Variants in MED1 observed in about 807,000 individuals in gnomAD.
MED1 encodes mediator of RNA polymerase II transcription subunit 1.
In MED1, 17 loss-of-function variants were observed where a neutral mutation model predicts 121.3. The observed-to-expected ratio is 0.14, with a 90% CI of 0.10 to 0.21. MED1 has a LOEUF of 0.21. Ranked by LOEUF, MED1 falls within the 10% of genes least tolerant of loss-of-function variation. The pLI is 1.00. For synonymous variants in MED1, 661 were observed against 694.4 expected, an observed-to-expected ratio of 0.95 and a Z score of 0.76; for missense variants, 1,558 against 1,919.4, an observed-to-expected ratio of 0.81 and a Z score of 3.52.
chr17:39,444,755 G>C (rs188199334), intron 2 of MED1, among the ~76,000 whole-genome samples: 57 of 152,108 alleles, frequency 3.7e-4, no homozygotes, highest in Admixed American at 1.3e-3. Context: ...TGTAGTCCCA[G>C]CTACTCAGGA....
rs534530207 is a variant in MED1, at chr17:39,407,732, G to A, written c.4489C>T (p.His1497Tyr). Residue 1497 changes from histidine (H) to tyrosine (Y), a missense_variant, in exon 17 of 17, where the codon CAT becomes TAT. By Grantham distance (83) the His-to-Tyr change is moderately conservative (BLOSUM62 2). Transcript: ENST00000300651. ...TTCTTTTCCTTTTTGTGCTTCTTAT[G>A]TTTCTCTGTGCTGTATTCTGGAAGT... ...RPLPEYSTEK[H>Y]KKHKKEKKKV... 1 of 1,613,970 alleles carries A rather than the reference G, an allele frequency of 6.2e-7. No individual in the cohort carries two copies. The highest frequency in any genetic ancestry group is 1.1e-5 in the South Asian group (1 of 91,068).
At chr17:39,434,534 G>A (rs1204056411) in intron 6 of MED1, among the ~76,000 whole-genome samples, 1 of 152,128 alleles carries the variant, frequency 6.6e-6, no homozygotes, top group Admixed American at 6.6e-5. Context: ...TTTTTCTGGA[G>A]AAGGTGCTAA....
chr17:39,425,513 TAGAA>T (rs1415587955), intron 10 of MED1, among the ~76,000 whole-genome samples: 1 of 152,054 alleles, frequency 6.6e-6, no homozygotes, highest in Non-Finnish European at 1.5e-5. Context: ...CTATAAAACT[TAGAA>T]ATCAGGCCAG....
chr17:39,423,200 A>C (rs1374296456), intron 13 of MED1, 127 bp downstream of exon 13: 1 of 748,666 alleles, frequency 1.3e-6, no homozygotes. Context: ...TGCCTTACTA[A>C]AGAAATAGGA....
rs751101426 is a variant in MED1, at chr17:39,419,752, A to G, written c.1262T>C (p.Ile421Thr). ...IRHQVAYNTL[I>T]GSCVKRTILK... is the part of the protein sequence containing the mutation. ...AATAGTTCTTTTGACACAGCTTCCA[A>G]TGAGGGTGTTATAGGCCACTTGGTG... The change falls in exon 14 of 17, where the codon ATT (isoleucine) becomes ACT (threonine). Residue 421 changes from isoleucine (I) to threonine (T), a missense_variant. This residue lies in a region of MED1 where 443 missense variants were observed against 532.4 expected (regional missense o/e 0.83). Transcript: ENST00000300651. 1 of 1,613,882 alleles carries G rather than the reference A, an allele frequency of 6.2e-7. No homozygotes were observed. The highest frequency in any genetic ancestry group is 8.5e-7 in the Non-Finnish European group (1 of 1,179,798).
chr17:39,420,628 CTTA>C (rs564032898), intron 13 of MED1, among the ~76,000 whole-genome samples: 6 of 151,318 alleles, frequency 4.0e-5, no homozygotes, highest in African/African-American at 4.8e-5. Flanking sequence ...GGAACGTTCC[CTTA>C]TTATTATTAT....
intron 13 of MED1, among the ~76,000 whole-genome samples, chr17:39,421,947 T>C (rs1002399200): frequency 1.3e-5 from 2 of 150,878 alleles, no homozygotes; most frequent in African/African-American, 4.9e-5. Context: ...GCTAACATGG[T>C]GAAATCCCGT....
In MED1 at chr17:39,408,558, G is replaced by A. The variant is rs1041432503; in HGVS notation, c.3663C>T (p.Ala1221=). ...PVPGTPPSSK[A]KSPISSGSGG... is the part of the protein sequence containing the mutation. ...CAGAACCTGAACTGATAGGGGACTT[G>A]GCTTTAGAGGATGGAGGAGTTCCAG... The change falls in exon 17 of 17, where the codon GCC becomes GCT. Residue 1221 remains alanine, a synonymous_variant. Coordinates refer to ENST00000300651, the MANE Select transcript of MED1 (RefSeq NM_004774.4). The surrounding 1 kb of genome is among the most constrained non-coding windows in gnomAD (Gnocchi z 4.7). 7 of 1,614,104 alleles carry A rather than the reference G, an allele frequency of 4.3e-6. No individual in the cohort carries two copies. In the Admixed American group the frequency reaches 6.7e-5, roughly 15 times the overall value.
At chr17:39,433,546 T>TATATATAC (rs540103395) in intron 7 of MED1, among the ~76,000 whole-genome samples, 2 of 150,448 alleles carry the variant, frequency 1.3e-5, no homozygotes, top group African/African-American at 4.9e-5. Flanking sequence ...TATATATATA[T>TATATATAC]ACACACATAT....
intron 1 of MED1, among the ~76,000 whole-genome samples, chr17:39,449,646 G>A (rs2048762523): frequency 6.6e-6 from 1 of 150,532 alleles, no homozygotes; most frequent in East Asian, 2.0e-4. Context: ...CCAAGTAGCT[G>A]GGATTGCAGG....
At position 39,443,568 on chromosome 17, in the gene MED1, A is replaced by G. The variant is rs1461827597; in HGVS notation, c.193T>C (p.Leu65=). 1.2e-6 allele frequency: 2 copies of G among 1,613,822 alleles called. No homozygotes were observed. Among genetic ancestry groups the G allele is most frequent in the Middle Eastern group, 1.6e-4 (1 of 6,062 alleles). ...CACAAACCTTTGAGAGCCTTCTGCA[A>G]TGTCTCCAAACAGCTGACCAAATGT... ...HQHLVSCLET[L]QKALKVTSLP... Residue 65 remains leucine, a synonymous_variant, in exon 3 of 17, where the codon TTG becomes CTG. Coordinates refer to ENST00000300651, the MANE Select transcript of MED1 (RefSeq NM_004774.4).
At position 39,408,464 on chromosome 17, in the gene MED1, C is replaced by T. The variant is rs780778736; in HGVS notation, c.3757G>A (p.Gly1253Ser). 1.1e-5 allele frequency: 17 copies of T among 1,613,986 alleles called. No homozygotes were observed. Among genetic ancestry groups the T allele is most frequent in the African/African-American group, 1.3e-5 (1 of 74,886 alleles). Residue 1253 changes from glycine (G) to serine (S), a missense_variant, in exon 17 of 17, where the codon GGC (glycine) becomes AGC (serine). By Grantham distance (56) the Gly-to-Ser change is moderately conservative. Around this residue, in one of 5 missense-constraint regions of MED1, gnomAD observed 793 missense variants for 898.2 expected, o/e 0.88. Coordinates refer to ENST00000300651, the MANE Select transcript of MED1 (RefSeq NM_004774.4). The surrounding 1 kb of genome is among the most constrained non-coding windows in gnomAD (Gnocchi z 4.7). ...GGGGGAGTTTTCTGGGACAACGAGC[C>T]TGAGGATCCTAACCCTGAAGATGAC... ...MKSSSGLGSS[G>S]SLSQKTPPSS...
chr17:39,408,228 C>A lies in MED1; in HGVS notation c.3993G>T (p.Val1331=). Residue 1331 remains valine, a synonymous_variant, in exon 17 of 17, where the codon GTG becomes GTT. Transcript: ENST00000300651. The surrounding 1 kb of genome is among the most constrained non-coding windows in gnomAD (Gnocchi z 4.7). ...TAGGATGGCTGGAAGAATTTGTGCT[C>A]ACCCCCATCTGGCCGTCCAGTGGGT... ...GEDPLDGQMG[V]STNSSSHPMS... The A allele has an allele frequency of 6.2e-7, 1 of 1,614,068 alleles. No individual in the cohort carries two copies. The highest frequency in any genetic ancestry group is 8.5e-7 in the Non-Finnish European group (1 of 1,180,042).
chr17:39,413,295 C>T (rs2048373944), intron 16 of MED1, among the ~76,000 whole-genome samples: 1 of 152,088 alleles, frequency 6.6e-6, no homozygotes, highest in African/African-American at 2.4e-5. Flanking sequence ...CAGAATCTCA[C>T]TCTATCACCC....
chr17:39,419,837 C>T lies in MED1; in HGVS notation c.1177G>A (p.Val393Ile). 2 of 1,614,062 alleles carry T rather than the reference C, an allele frequency of 1.2e-6. No individual in the cohort carries two copies. Among genetic ancestry groups the T allele is most frequent in the Middle Eastern group, 3.3e-4 (2 of 6,062 alleles). ...GGGTGCTGAAAGGTGATTTTGCTAA[C>T]AAGGGTTCCCTGTAGACTTCGGCCA... ...PDGRSLQGTL[V>I]SKITFQHPGR... Residue 393 changes from valine to isoleucine, a missense_variant, in exon 14 of 17, where the codon GTT (valine) becomes ATT (isoleucine). By Grantham distance (29) the Val-to-Ile change is conservative. Coordinates refer to ENST00000300651, the MANE Select transcript of MED1 (RefSeq NM_004774.4).
chr17:39,442,345 C>G (rs2048683958), intron 3 of MED1, among the ~76,000 whole-genome samples: 2 of 152,162 alleles, frequency 1.3e-5, no homozygotes, highest in Admixed American at 6.6e-5. Context: ...CGCCTGTAAT[C>G]CCAGCAATTT....
intron 13 of MED1, among the ~76,000 whole-genome samples, chr17:39,422,127 CAAAA>C (rs34447753): frequency 4.6e-5 from 6 of 130,070 alleles, no homozygotes; most frequent in Non-Finnish European, 3.2e-5. Context: ...GACTCCGTCT[CAAAA>C]AAAAAAAAAA....
In MED1 at chr17:39,440,687, G is replaced by A. The variant is rs1216799339; in HGVS notation, c.212-10C>T. ...GCTGGTAAAGATGTTACTATAAAAG[G>A]ATGAAAAAAGGAGTCACAAAGAATG... On this transcript the variant is annotated splice_polypyrimidine_tract_variant and intron_variant, in intron 3 of 16. Coordinates refer to ENST00000300651, the MANE Select transcript of MED1 (RefSeq NM_004774.4). This position sits in a 1 kb window ranked among gnomAD's most constrained non-coding sequence, Gnocchi z 4.1. The A allele has an allele frequency of 3.7e-6, 6 of 1,606,824 alleles. No homozygotes were observed. Among genetic ancestry groups the A allele is most frequent in the South Asian group, 1.1e-5 (1 of 89,450 alleles).
At chr17:39,434,482 G>A (rs1054519965) in intron 6 of MED1, among the ~76,000 whole-genome samples, 162 bp from the exon 7 acceptor site, 6 of 152,094 alleles carry the variant, frequency 3.9e-5, no homozygotes, top group Admixed American at 1.3e-4. Context: ...ATGTAAAGCA[G>A]CAAAAGAAAA....
Sources: gnomAD v4.1 joint callset for allele counts (sites outside exome capture counted in the v4.1 genomes callset) on GRCh38, gnomAD v4.1.1 for gene constraint, gnomAD v4.1.1 regional missense constraint, Gnocchi (gnomAD v3.1) non-coding constraint, MANE v1.5 for transcripts, NCBI Gene and HGNC (gene_info 2026-07-23, HGNC 2026-07-21) for gene names.